ROBO2: variants seen among roughly 807,000 people sequenced by gnomAD.
The protein encoded by ROBO2 is roundabout homolog 2.
In ROBO2, 53 loss-of-function variants were observed where a neutral mutation model predicts 160.8. That is an observed-to-expected ratio of 0.33 (90% confidence interval 0.26 to 0.41). The LOEUF (loss-of-function observed/expected upper bound fraction) is 0.41, where lower values mean the gene tolerates loss of function less well. ROBO2 is among the 10% of genes least tolerant of loss of function. The pLI is 1.00. For missense variants in ROBO2, 1,577 were observed against 1,722.4 expected (o/e 0.92, Z 1.49); for synonymous variants, 664 against 611.7 (o/e 1.09, Z -1.26).
chr3:77,410,632 C>T (rs1330987525), intron 2 of ROBO2, among the ~76,000 whole-genome samples: 1 of 140,086 alleles, frequency 7.1e-6, no homozygotes, highest in Non-Finnish European at 1.5e-5. Context: ...TCCTCCTCTT[C>T]CTCCTGCTCC....
intron 2 of ROBO2, among the ~76,000 whole-genome samples, chr3:76,768,969 T>C (rs1248091571): frequency 6.6e-6 from 1 of 151,466 alleles, no homozygotes; most frequent in African/African-American, 2.4e-5. Flanking sequence ...AATCTTAAGC[T>C]TATTCCTTTT....
At chr3:75,931,217 A>G (rs1947518639) in intron 1 of ROBO2, among the ~76,000 whole-genome samples, 1 of 152,224 alleles carries the variant, frequency 6.6e-6, no homozygotes, top group African/African-American at 2.4e-5. Flanking sequence ...GTCCTTGAAC[A>G]CTGTGGGTTT....
intron 2 of ROBO2, among the ~76,000 whole-genome samples, chr3:75,948,674 G>C (rs1347530423): frequency 6.6e-6 from 1 of 152,082 alleles, no homozygotes; most frequent in African/African-American, 2.4e-5. Flanking sequence ...ACTATCGCTA[G>C]AATGTGGCCT....
chr3:76,392,863 T>C (rs528787246), intron 2 of ROBO2, among the ~76,000 whole-genome samples: 2 of 152,270 alleles, frequency 1.3e-5, no homozygotes, highest in Non-Finnish European at 2.9e-5. Flanking sequence ...GTTTGAAAAA[T>C]GAAGTTTAGT....
chr3:77,152,365 A>G (rs1579431834), intron 2 of ROBO2, among the ~76,000 whole-genome samples: 1 of 152,208 alleles, frequency 6.6e-6, no homozygotes, highest in Non-Finnish European at 1.5e-5. Flanking sequence ...AATCAGTAAA[A>G]CATATTAATG....
chr3:77,123,699 A>G (rs1432034432), intron 2 of ROBO2, among the ~76,000 whole-genome samples: 2 of 148,310 alleles, frequency 1.3e-5, no homozygotes, highest in Admixed American at 6.8e-5. Context: ...ATATATATAT[A>G]TGTATCTATA....
At chr3:76,755,079 C>T (rs967075965) in intron 2 of ROBO2, among the ~76,000 whole-genome samples, 1 of 151,678 alleles carries the variant, frequency 6.6e-6, no homozygotes, top group Non-Finnish European at 1.5e-5. Flanking sequence ...GTAATTAGCC[C>T]TCAATTTTAT....
intron 2 of ROBO2, among the ~76,000 whole-genome samples, chr3:76,273,107 ACACACACATATAAATAT>A (rs1559707215): frequency 5.5e-4 from 15 of 27,132 alleles, no homozygotes; most frequent in African/African-American, 9.3e-4. Flanking sequence ...ACACATATAC[ACACACACATATAAATAT>A]ATATATATAT....
intron 2 of ROBO2, among the ~76,000 whole-genome samples, chr3:76,020,391 A>G (rs971241335): frequency 4.5e-4 from 69 of 151,696 alleles, no homozygotes; most frequent in African/African-American, 1.6e-3. Context: ...ATTCATTACC[A>G]TCTTATTTCT....
chr3:76,772,522 T>C (rs1191674817), intron 2 of ROBO2, among the ~76,000 whole-genome samples: 1 of 149,868 alleles, frequency 6.7e-6, no homozygotes, highest in Non-Finnish European at 1.5e-5. Context: ...TTTTTCTTTT[T>C]TTTTTTTTTA....
chr3:75,963,543 G>A (rs1284150752), intron 2 of ROBO2, among the ~76,000 whole-genome samples: 4 of 151,618 alleles, frequency 2.6e-5, no homozygotes, highest in Non-Finnish European at 5.9e-5. Context: ...TAAAATAAAC[G>A]AACTAAATCA....
intron 2 of ROBO2, among the ~76,000 whole-genome samples, chr3:76,446,870 C>T (rs1218340064): frequency 1.3e-5 from 2 of 152,182 alleles, no homozygotes; most frequent in East Asian, 1.9e-4. Context: ...CCCTTCCTTA[C>T]ACCTTATACA....
intron 1 of ROBO2, among the ~76,000 whole-genome samples, chr3:77,077,141 G>A (rs900191562): frequency 6.6e-6 from 1 of 152,158 alleles, no homozygotes; most frequent in Non-Finnish European, 1.5e-5. Flanking sequence ...GAGTACTGTG[G>A]ATAATGATAG....
At chr3:76,498,638 T>C (rs1411648825) in intron 2 of ROBO2, among the ~76,000 whole-genome samples, 2 of 151,618 alleles carry the variant, frequency 1.3e-5, no homozygotes, top group Non-Finnish European at 2.9e-5. Flanking sequence ...GAACAAGCAA[T>C]ACATCTGTAA....
At chr3:76,824,552 A>T (rs972603856) in intron 2 of ROBO2, among the ~76,000 whole-genome samples, 2 of 152,298 alleles carry the variant, frequency 1.3e-5, no homozygotes, top group Middle Eastern at 3.4e-3. Context: ...TCTTTCATTT[A>T]AAATGTCTCA....
intron 2 of ROBO2, among the ~76,000 whole-genome samples, chr3:76,275,486 A>C (rs1707866602): frequency 1.3e-5 from 2 of 152,102 alleles, no homozygotes; most frequent in Admixed American, 6.6e-5. Context: ...GGTCTTTACT[A>C]TGAAGTAACT....
chr3:77,297,162 A>T (rs1332277160), intron 2 of ROBO2, among the ~76,000 whole-genome samples: 1 of 152,110 alleles, frequency 6.6e-6, no homozygotes, highest in East Asian at 1.9e-4. Flanking sequence ...TGGATCTGAG[A>T]TGAGTTGTAC....
At chr3:77,494,747 C>A (rs562695286) in intron 5 of ROBO2, among the ~76,000 whole-genome samples, 1 of 151,108 alleles carries the variant, frequency 6.6e-6, no homozygotes, top group African/African-American at 2.4e-5. Flanking sequence ...TTTTATAAAT[C>A]CCTAGATATG....
At chr3:75,934,113 G>T (rs1947663954) in intron 1 of ROBO2, among the ~76,000 whole-genome samples, 2 of 152,156 alleles carry the variant, frequency 1.3e-5, no homozygotes, top group Admixed American at 1.3e-4. Flanking sequence ...GTTCTCTTTT[G>T]CCTTGTGACC....
Sources: allele counts gnomAD v4.1 joint callset (sites outside exome capture counted in the v4.1 genomes callset), GRCh38; gene constraint gnomAD v4.1.1; transcripts MANE v1.5; gene names NCBI Gene and HGNC (gene_info 2026-07-23, HGNC 2026-07-21).